Variants in USP54 observed in about 807,000 individuals in gnomAD.
USP54 encodes the protein ubiquitin specific peptidase 54.
Under a neutral mutation model 170.5 loss-of-function variants are expected in USP54, and 87 were observed. The ratio of observed to expected loss-of-function variants is 0.51; its 90% CI spans 0.43 to 0.61. USP54 has a LOEUF of 0.61. USP54 is among the 20% of genes least tolerant of loss of function. The pLI is 0.00. For missense variants in USP54, 1,786 were observed against 2,047.8 expected (o/e 0.87, Z 2.47); for synonymous variants, 655 against 742.8 (o/e 0.88, Z 1.92).
At chr10:73,530,937 T>C in intron 12 of USP54, 102 bp from the exon 13 acceptor site, 4 of 1,504,088 alleles carry the variant, frequency 2.7e-6, no homozygotes, top group Non-Finnish European at 3.6e-6. Context: ...AAATTTAGAG[T>C]ACCCATGGAA....
At chr10:73,526,507 A>G (rs1272276292) in intron 16 of USP54, 140 bp downstream of exon 16, 27 of 1,244,068 alleles carry the variant, frequency 2.2e-5, no homozygotes, top group Non-Finnish European at 2.7e-5. Flanking sequence ...TCGGCCTCCC[A>G]AAGTGCTGGG....
At position 73,516,902 on chromosome 10, in the gene USP54, C is replaced by A; in HGVS notation, c.3524G>T (p.Gly1175Val). 1.9e-6 allele frequency: 3 copies of A among 1,614,234 alleles called. No homozygotes were observed. The highest frequency in any genetic ancestry group is 2.2e-5 in the East Asian group (1 of 44,880). Residue 1175 changes from glycine to valine, a missense_variant, in exon 20 of 24, where the codon GGT becomes GTT. Gly to Val is a moderately radical substitution (Grantham distance 109). Around this residue, in one of 3 missense-constraint regions of USP54, gnomAD observed 1,418 missense variants for 1,569.0 expected, o/e 0.90. Transcript: ENST00000687698. ...CCATGGCCAGTGGCCTTTCTCTTGA[C>A]CCTGTGAGAAAGGAGGCTTAGAATC... is the stretch of plus-strand genomic sequence containing the variant. Reference protein sequence around the residue: ...PSDSKPPFSQGQEKGHWPWAK... With the variant: ...PSDSKPPFSQVQEKGHWPWAK...
chr10:73,510,358 T>C (rs2060006445), intron 20 of USP54, among the ~76,000 whole-genome samples: 1 of 150,030 alleles, frequency 6.7e-6, no homozygotes, highest in Admixed American at 6.6e-5. Context: ...TAAAATAAAA[T>C]AAAACAAAAA....
intron 1 of USP54, among the ~76,000 whole-genome samples, chr10:73,587,825 T>C (rs2077701995): frequency 6.6e-6 from 1 of 152,218 alleles, no homozygotes; most frequent in African/African-American, 2.4e-5. Context: ...AATGTTTTGA[T>C]GATGATTATG....
rs1428925059 is a variant in USP54, at chr10:73,545,581, TG to T, written c.331del (p.Gln111AsnfsTer19). ...ATCCATAATTCCCAGCTGGAAACGT[TG>T]TTCATCCTGGAAAGTCTTTGCCAGA... ...SALAKTFQDE[Q>X]RFQLGIMDDA... is the part of the protein sequence containing the mutation. On this transcript the variant is annotated frameshift_variant, in exon 5 of 24. Transcript: ENST00000687698. LOFTEE classifies it high-confidence loss of function. The T allele has an allele frequency of 6.2e-7, 1 of 1,614,194 alleles. No individual in the cohort carries two copies. Among genetic ancestry groups the T allele is most frequent in the South Asian group, 1.1e-5 (1 of 91,086 alleles).
intron 1 of USP54, among the ~76,000 whole-genome samples, chr10:73,617,839 G>C (rs1256044955): frequency 6.7e-6 from 1 of 149,922 alleles, no homozygotes; most frequent in Non-Finnish European, 1.5e-5. Flanking sequence ...GAGTCCAGGA[G>C]GCAAAAGCTG....
chr10:73,557,695 A>G (rs1005942604), intron 4 of USP54, among the ~76,000 whole-genome samples: 6 of 151,896 alleles, frequency 4.0e-5, no homozygotes, highest in African/African-American at 1.2e-4. Context: ...CATGTTGGCC[A>G]GGCTGGTCTC....
intron 1 of USP54, among the ~76,000 whole-genome samples, chr10:73,607,842 A>G (rs1321139914): frequency 2.6e-5 from 4 of 151,938 alleles, no homozygotes; most frequent in African/African-American, 7.2e-5. Flanking sequence ...AAAAAAAAAA[A>G]AAAAAGAAAA....
At chr10:73,579,733 G>A (rs960045003) in intron 1 of USP54, among the ~76,000 whole-genome samples, 1 of 151,774 alleles carries the variant, frequency 6.6e-6, no homozygotes, top group Admixed American at 6.6e-5. Context: ...CTCCAGCCTG[G>A]ATGACACGGC....
At chr10:73,505,871 A>C (rs1222832216) in intron 20 of USP54, 1 of 150,914 alleles carries the variant, frequency 6.6e-6, no homozygotes, top group Non-Finnish European at 1.5e-5. Context: ...CTCCGTCTCA[A>C]AAAAAAAAAG....
chr10:73,621,525 AGGAGGC>A (rs2081089079), intron 1 of USP54, among the ~76,000 whole-genome samples: 1 of 146,800 alleles, frequency 6.8e-6, no homozygotes, highest in Non-Finnish European at 1.5e-5. Context: ...GCATGAACCC[AGGAGGC>A]GGAGCTTGCA....
At chr10:73,509,018 T>G (rs2059732602) in intron 20 of USP54, among the ~76,000 whole-genome samples, 1 of 124,840 alleles carries the variant, frequency 8.0e-6, no homozygotes, top group African/African-American at 3.2e-5. Context: ...ATCAGCAAAA[T>G]CTACAATGTG....
intron 22 of USP54, 87 bp from the exon 23 acceptor site, chr10:73,500,925 A>C: frequency 7.3e-7 from 1 of 1,375,432 alleles, no homozygotes; most frequent in Non-Finnish European, 9.8e-7. Flanking sequence ...AGGCAAGCAA[A>C]GGGAAATGGA....
At chr10:73,551,093 G>A (rs980026828) in intron 4 of USP54, among the ~76,000 whole-genome samples, 4 of 152,172 alleles carry the variant, frequency 2.6e-5, no homozygotes, top group Non-Finnish European at 4.4e-5. Flanking sequence ...GACAGAGCAA[G>A]ACTCTGTCTC....
upstream of USP54, among the ~76,000 whole-genome samples, chr10:73,595,560 A>G: frequency 6.6e-6 from 1 of 152,236 alleles, no homozygotes; most frequent in Non-Finnish European, 1.5e-5. Context: ...ACTCTAAAGA[A>G]GAGAGGGAGA....
At chr10:73,625,612 T>A (rs2081473667) in exon 1 of USP54, 1 of 152,514 alleles carries the variant, frequency 6.6e-6, no homozygotes, top group African/African-American at 2.4e-5. Context: ...TTTCCCAATG[T>A]AGCCTGGTCC....
At chr10:73,603,947 G>T (rs1377618678) in intron 1 of USP54, among the ~76,000 whole-genome samples, 1 of 151,336 alleles carries the variant, frequency 6.6e-6, no homozygotes, top group Non-Finnish European at 1.5e-5. Context: ...TTATTAGGAT[G>T]GCTACTATTA....
chr10:73,594,446 C>A (rs562474542), upstream of USP54, among the ~76,000 whole-genome samples: 5 of 152,176 alleles, frequency 3.3e-5, no homozygotes, highest in East Asian at 9.7e-4. Flanking sequence ...TCCTCTGTTG[C>A]CCAGGCTGGA....
chr10:73,592,891 A>AC (rs1363932832), upstream of USP54, among the ~76,000 whole-genome samples: 1 of 152,224 alleles, frequency 6.6e-6, no homozygotes, highest in East Asian at 1.9e-4. Flanking sequence ...TATGATACTC[A>AC]CATTCTGCCT....
Sources: allele counts gnomAD v4.1 joint callset (sites outside exome capture counted in the v4.1 genomes callset), GRCh38; gene constraint gnomAD v4.1.1; regional missense constraint gnomAD v4.1.1; transcripts MANE v1.5; gene names NCBI Gene and HGNC (gene_info 2026-07-23, HGNC 2026-07-21).